Variants in TMPRSS4 observed in about 807,000 individuals in gnomAD.
TMPRSS4 encodes the protein transmembrane serine protease 4.
TMPRSS4 carries 45 observed loss-of-function variants against 56.4 expected under a neutral mutation model. The observed-to-expected ratio is 0.80, with a 90% CI of 0.63 to 1.02. TMPRSS4 has a LOEUF of 1.02. Ranked by LOEUF, TMPRSS4 falls within the 50% of genes least tolerant of loss-of-function variation. The pLI, the probability that TMPRSS4 is intolerant of heterozygous loss-of-function variation, is 0.00. For synonymous variants in TMPRSS4, 205 were observed against 211.0 expected, an observed-to-expected ratio of 0.97 and a Z score of 0.25; for missense variants, 546 against 556.7, an observed-to-expected ratio of 0.98 and a Z score of 0.19.
intron 2 of TMPRSS4, among the ~76,000 whole-genome samples, chr11:118,096,223 C>A (rs1946279986): frequency 6.6e-6 from 1 of 152,240 alleles, no homozygotes; most frequent in Non-Finnish European, 1.5e-5. Context: ...TGATAAGCTA[C>A]TTTGTGCCAG....
chr11:118,099,146 G>T, intron 3 of TMPRSS4, 48 bp downstream of exon 3: 1 of 1,505,256 alleles, frequency 6.6e-7, no homozygotes, highest in Non-Finnish European at 9.2e-7. Flanking sequence ...TAAATGACAG[G>T]GCCCAACCCC....
At position 118,117,203 on chromosome 11, in the gene TMPRSS4, G is replaced by A. The variant is rs1591414848; in HGVS notation, c.1153-102G>A. The A allele has an allele frequency of 1.9e-5, 21 of 1,134,314 alleles. No homozygotes were observed. The East Asian group carries it at 4.4e-4, about 24-fold the overall frequency. The allele number at this position is 1,134,314 out of a possible 1,614,324, so 70.3% of individuals were successfully genotyped here. A position where few individuals can be genotyped will look rare whatever the true frequency, so the allele number is the denominator to read the frequency against. ...GAGGGTGGAATATCGGAGAGCAGCAGGGAGTGCAGGGGAACAGATAGGCCA... is the reference window on the plus strand; with the variant it reads ...GAGGGTGGAATATCGGAGAGCAGCAAGGAGTGCAGGGGAACAGATAGGCCA... On this transcript the variant is annotated intron_variant, in intron 11 of 12. Transcript: ENST00000437212.
intron 2 of TMPRSS4, among the ~76,000 whole-genome samples, chr11:118,097,607 G>A (rs1946480522): frequency 6.6e-6 from 1 of 152,118 alleles, no homozygotes; most frequent in Non-Finnish European, 1.5e-5. Context: ...TATTAACTTT[G>A]CCTATGTTTT....
At chr11:118,097,320 A>C (rs1000800460) in intron 2 of TMPRSS4, among the ~76,000 whole-genome samples, 7 of 152,184 alleles carry the variant, frequency 4.6e-5, no homozygotes, top group Non-Finnish European at 7.3e-5. Context: ...GAAGAAAAAA[A>C]AAGCAAGAAA....
intron 9 of TMPRSS4, 69 bp downstream of exon 9, chr11:118,113,504 C>A: frequency 6.4e-7 from 1 of 1,554,840 alleles, no homozygotes; most frequent in Non-Finnish European, 8.8e-7. Flanking sequence ...GCTATTAGCT[C>A]ACTGACCGCC....
chr11:118,077,209 C>A lies in TMPRSS4; in HGVS notation c.-94C>A. Reference sequence around the variant, plus strand: ...GACCAGGGACTTCTGACCTGCTGGCCAGCCAGGACCTGTGTGGGGAGGCCC... The same window carrying A: ...GACCAGGGACTTCTGACCTGCTGGCAAGCCAGGACCTGTGTGGGGAGGCCC... On this transcript the variant is annotated 5_prime_UTR_variant, in exon 1 of 13. Coordinates refer to ENST00000437212, the MANE Select transcript of TMPRSS4 (RefSeq NM_019894.4). 1.3e-6 allele frequency: 2 copies of A among 1,523,600 alleles called. No homozygotes were observed. Among genetic ancestry groups the A allele is most frequent in the Middle Eastern group, 1.7e-4 (1 of 5,742 alleles). 94.4% of individuals were successfully genotyped at this position (1,523,600 alleles called of 1,614,324 possible). A position where few individuals can be genotyped will look rare whatever the true frequency, so the allele number is the denominator to read the frequency against.
intron 1 of TMPRSS4, among the ~76,000 whole-genome samples, chr11:118,090,913 C>T (rs1000026219): frequency 6.6e-6 from 1 of 152,124 alleles, no homozygotes; most frequent in African/African-American, 2.4e-5. Context: ...GAATATAAGC[C>T]TCCTTTGTGC....
chr11:118,105,187 A>G (rs1946928985), intron 5 of TMPRSS4, among the ~76,000 whole-genome samples: 1 of 152,132 alleles, frequency 6.6e-6, no homozygotes, highest in South Asian at 2.1e-4. Context: ...GTTCCTGCCC[A>G]GTAATACAAA....
downstream of TMPRSS4, among the ~76,000 whole-genome samples, chr11:118,123,268 T>C (rs1947828624): frequency 6.6e-6 from 1 of 152,208 alleles, no homozygotes; most frequent in South Asian, 2.1e-4. Flanking sequence ...CAGCAGATAC[T>C]ATGTTCCTCC....
chr11:118,113,266 CA>C lies in TMPRSS4; in HGVS notation c.744-2del. The C allele has an allele frequency of 1.2e-6, 2 of 1,613,508 alleles. No homozygotes were observed. The highest frequency in any genetic ancestry group is 1.7e-6 in the Non-Finnish European group (2 of 1,179,650). ...GCCTGAACCCAGCTGTCTCTACCCCCAGGAAACATACCGATGTGTTCAACTG... is the reference window on the plus strand; with the variant it reads ...GCCTGAACCCAGCTGTCTCTACCCCCGGAAACATACCGATGTGTTCAACTG... On this transcript the variant is annotated splice_acceptor_variant, in intron 8 of 12. Coordinates refer to ENST00000437212, the MANE Select transcript of TMPRSS4 (RefSeq NM_019894.4). LOFTEE classifies it high-confidence loss of function.
chr11:118,113,538 A>C, intron 9 of TMPRSS4, 103 bp downstream of exon 9: 25 of 1,354,620 alleles, frequency 1.8e-5, no homozygotes, highest in Non-Finnish European at 2.4e-5. Flanking sequence ...GTCTCCTCTC[A>C]AGTCCTCAGC....
At chr11:118,094,919 C>T in intron 2 of TMPRSS4, 64 bp downstream of exon 2, 1 of 1,576,138 alleles carries the variant, frequency 6.3e-7, no homozygotes, top group East Asian at 2.3e-5. Context: ...CCAAGTAGAT[C>T]CTAAGCCACT....
intron 1 of TMPRSS4, among the ~76,000 whole-genome samples, chr11:118,082,353 A>T (rs1299098773): frequency 6.6e-6 from 1 of 152,022 alleles, no homozygotes; most frequent in Non-Finnish European, 1.5e-5. Flanking sequence ...CTGAGGTCAG[A>T]AGTTCAAGAC....
At position 118,111,748 on chromosome 11, in the gene TMPRSS4, G is replaced by T; in HGVS notation, c.591G>T (p.Gly197=). ...SLVSLHCLAC[G]KSLKTPRVVG... Reference sequence around the variant, plus strand: ...GCCTCTGCCTGTGTCCAGCCTGTGGGAAGAGCCTGAAGACCCCCCGTGTGG... The same window carrying T: ...GCCTCTGCCTGTGTCCAGCCTGTGGTAAGAGCCTGAAGACCCCCCGTGTGG... Residue 197 remains glycine, a synonymous_variant, in exon 8 of 13, where the codon GGG becomes GGT. Coordinates refer to ENST00000437212, the MANE Select transcript of TMPRSS4 (RefSeq NM_019894.4). The T allele has an allele frequency of 6.3e-7, 1 of 1,575,442 alleles. No homozygotes were observed. The highest frequency in any genetic ancestry group is 8.6e-7 in the Non-Finnish European group (1 of 1,164,064).
At chr11:118,088,941 T>A (rs1321504985) in intron 1 of TMPRSS4, among the ~76,000 whole-genome samples, 1 of 152,220 alleles carries the variant, frequency 6.6e-6, no homozygotes, top group Admixed American at 6.5e-5. Context: ...CATCTTCTGA[T>A]CATGGCGGGG....
intron 8 of TMPRSS4, among the ~76,000 whole-genome samples, chr11:118,112,997 A>T (rs370308196): frequency 6.6e-6 from 1 of 151,816 alleles, no homozygotes; most frequent in East Asian, 1.9e-4. Context: ...GGACCTCAGA[A>T]CTCAGGCATT....
chr11:118,104,602 G>A lies in TMPRSS4; in HGVS notation c.311-89G>A. 1.9e-6 allele frequency: 3 copies of A among 1,590,266 alleles called. No homozygotes were observed. The South Asian group carries it at 3.4e-5, about 18-fold the overall frequency. ...GTGGCACCCCCAGTTCTAGGTTGGG[G>A]GAGCTTGGGCTGGTCTCATGATGAG... On this transcript the variant is annotated intron_variant, in intron 4 of 12. Coordinates refer to ENST00000437212, the MANE Select transcript of TMPRSS4 (RefSeq NM_019894.4).
At chr11:118,082,433 C>G (rs1199670490) in intron 1 of TMPRSS4, among the ~76,000 whole-genome samples, 1 of 152,000 alleles carries the variant, frequency 6.6e-6, no homozygotes, top group Non-Finnish European at 1.5e-5. Flanking sequence ...CAGTAGCTCA[C>G]GCCTGTAATC....
At chr11:118,093,240 C>T (rs73010786) in intron 1 of TMPRSS4, among the ~76,000 whole-genome samples, 42,386 of 152,086 alleles carry the variant, frequency 0.28, 6,443 homozygotes, top group Middle Eastern at 0.34. Flanking sequence ...ACCCAGGGAC[C>T]CTCCCTCCAT....
Sources: gnomAD v4.1 joint callset for allele counts (sites outside exome capture counted in the v4.1 genomes callset) on GRCh38, gnomAD v4.1.1 for gene constraint, MANE v1.5 for transcripts, NCBI Gene and HGNC (gene_info 2026-07-23, HGNC 2026-07-21) for gene names.